Variants in HAPLN3 observed in about 807,000 individuals in gnomAD.
The protein encoded by HAPLN3 is hyaluronan and proteoglycan link protein 3, also known as extracellular link domain containing, 1.
HAPLN3 carries 28 observed loss-of-function variants against 28.1 expected under a neutral mutation model. The observed-to-expected ratio is 1.00, with a 90% CI of 0.74 to 1.37. HAPLN3 has a LOEUF of 1.37. HAPLN3 is among the 40% of genes most tolerant of loss of function. HAPLN3 has a pLI of 0.00. For synonymous variants in HAPLN3, 211 were observed against 213.1 expected (o/e 0.99, Z 0.09); for missense variants, 513 against 504.6 (o/e 1.02, Z -0.16).
In HAPLN3 at chr15:88,878,052, G is replaced by A. The variant is rs1897579619; in HGVS notation, c.1001C>T (p.Pro334Leu). The change falls in exon 5 of 5, where the codon CCC (proline) becomes CTC (leucine). Residue 334 changes from proline (P) to leucine (L), a missense_variant. Coordinates refer to ENST00000359595, the MANE Select transcript of HAPLN3 (RefSeq NM_178232.4). ...PVVHPHPNCG[P>L]PEPGVRSFGF... ...AAAGCTTCGGACCCCAGGCTCTGGG[G>A]GCCCACAGTTAGGATGCGGGTGAAC... 1 of 1,613,948 alleles carries A rather than the reference G, an allele frequency of 6.2e-7. No homozygotes were observed.
At chr15:88,878,786 G>A (rs534356963) in intron 4 of HAPLN3, among the ~76,000 whole-genome samples, 181 bp downstream of exon 4, 3 of 152,228 alleles carry the variant, frequency 2.0e-5, no homozygotes, top group Non-Finnish European at 2.9e-5. Context: ...GCATAACGCA[G>A]CAGCAGCAAA....
intron 4 of HAPLN3, 66 bp downstream of exon 4, chr15:88,878,901 G>T: frequency 6.8e-7 from 1 of 1,476,000 alleles, no homozygotes; most frequent in Middle Eastern, 1.8e-4. Flanking sequence ...CTCCCCAGAA[G>T]CTGCCCTCTC....
chr15:88,894,910 C>A (rs2141680667), intron 1 of HAPLN3, among the ~76,000 whole-genome samples: 1 of 152,318 alleles, frequency 6.6e-6, no homozygotes, highest in Non-Finnish European at 1.5e-5. Context: ...TGAGCGAGGT[C>A]TGGAACCCAT....
chr15:88,882,806 C>T (rs892231462), intron 2 of HAPLN3, among the ~76,000 whole-genome samples: 26 of 152,084 alleles, frequency 1.7e-4, no homozygotes, highest in Non-Finnish European at 1.5e-5. Flanking sequence ...GAGTTTGAGA[C>T]CAGCCTGGGC....
intron 4 of HAPLN3, 67 bp from the exon 5 acceptor site, chr15:88,878,323 A>C (rs1425655103): frequency 2.1e-6 from 3 of 1,436,878 alleles, no homozygotes; most frequent in East Asian, 4.6e-5. Context: ...CGGGGTCTGC[A>C]GAGATGCCAG....
chr15:88,882,027 G>T (rs1385142848), intron 2 of HAPLN3, among the ~76,000 whole-genome samples: 1 of 152,194 alleles, frequency 6.6e-6, no homozygotes, highest in Non-Finnish European at 1.5e-5. Context: ...GTCCCAGGGG[G>T]CCTTGCTGCT....
At chr15:88,883,937 G>A (rs1229148633) in intron 2 of HAPLN3, among the ~76,000 whole-genome samples, 1 of 152,046 alleles carries the variant, frequency 6.6e-6, no homozygotes, top group Non-Finnish European at 1.5e-5. Flanking sequence ...AATTAGCTGG[G>A]CACAGTGGTG....
chr15:88,893,429 AT>A (rs751082170), intron 1 of HAPLN3, among the ~76,000 whole-genome samples: 51 of 151,282 alleles, frequency 3.4e-4, no homozygotes, highest in African/African-American at 5.3e-4. Context: ...AAAAAAAAAA[AT>A]GGGCTGTGGT....
At chr15:88,892,318 G>A (rs576675535) in intron 1 of HAPLN3, among the ~76,000 whole-genome samples, 1 of 152,162 alleles carries the variant, frequency 6.6e-6, no homozygotes, top group East Asian at 1.9e-4. Context: ...ATAGATGGGT[G>A]TGGTGGTGGG....
chr15:88,877,879 C>T lies in HAPLN3; in HGVS notation c.*91G>A. 1 of 1,268,226 alleles carries T rather than the reference C, an allele frequency of 7.9e-7. No individual in the cohort carries two copies. Among genetic ancestry groups the T allele is most frequent in the South Asian group, 1.5e-5 (1 of 66,460 alleles). The allele number at this position is 1,268,226 out of a possible 1,614,324, so 78.6% of individuals were successfully genotyped here. ...AAATTTAAATTGAGAAGTATAAAAA[C>T]AGTTAAAATGGCTCCAACCCACAAG... On this transcript the variant is annotated 3_prime_UTR_variant, in exon 5 of 5. Coordinates refer to ENST00000359595, the MANE Select transcript of HAPLN3 (RefSeq NM_178232.4). The surrounding 1 kb of genome is among the most constrained non-coding windows in gnomAD (Gnocchi z 5.1).
Position 88,887,231 on chromosome 15 carries a change from C to A in HAPLN3, c.68G>T (p.Gly23Val). The change falls in exon 2 of 5, where the codon GGC becomes GTC. Residue 23 changes from glycine (G) to valine (V), a missense_variant. Physicochemically the swap from Gly to Val is moderately radical, Grantham distance 109 (BLOSUM62 -3). Coordinates refer to ENST00000359595, the MANE Select transcript of HAPLN3 (RefSeq NM_178232.4). ...PGSYGLPFYN[G>V]FYYSNSANDQ... Reference sequence around the variant, plus strand: ...GTTGGCGCTGTTGGAGTAGTAGAAGCCGTTGTAGAAGGGCAGTCCGTAGGA... The same window carrying A: ...GTTGGCGCTGTTGGAGTAGTAGAAGACGTTGTAGAAGGGCAGTCCGTAGGA... 6.2e-7 allele frequency: 1 copy of A among 1,614,146 alleles called. No individual in the cohort carries two copies. The highest frequency in any genetic ancestry group is 2.2e-5 in the East Asian group (1 of 44,868).
Position 88,880,308 on chromosome 15 carries a change from A to G in HAPLN3, c.494-1039T>C. On this transcript the variant is annotated intron_variant, in intron 3 of 4. Coordinates refer to ENST00000359595, the MANE Select transcript of HAPLN3 (RefSeq NM_178232.4). The surrounding 1 kb of genome is among the most constrained non-coding windows in gnomAD (Gnocchi z 6.0). ...TCTCCCCAACTCCACTGCCACCCCA[A>G]CTTCAAGAATGAGGAATGCGGCCCC... 1 of 1,057,330 alleles carries G rather than the reference A, an allele frequency of 9.5e-7. No individual in the cohort carries two copies. The highest frequency in any genetic ancestry group is 1.1e-6 in the Non-Finnish European group (1 of 871,608). 65.5% of individuals were successfully genotyped at this position (1,057,330 alleles called of 1,614,324 possible). A position where few individuals can be genotyped will look rare whatever the true frequency, so the allele number is the denominator to read the frequency against.
intron 2 of HAPLN3, among the ~76,000 whole-genome samples, chr15:88,885,451 TTTTTGTG>T (rs1213063768): frequency 1.5e-5 from 2 of 136,672 alleles, no homozygotes; most frequent in African/African-American, 5.5e-5. Flanking sequence ...AATTTTTTGT[TTTTTGTG>T]TTTTTTTTTT....
intron 1 of HAPLN3, among the ~76,000 whole-genome samples, chr15:88,889,830 G>A (rs1190219409): frequency 6.6e-6 from 1 of 152,248 alleles, no homozygotes; most frequent in African/African-American, 2.4e-5. Context: ...AATGCTTAGG[G>A]TGTAAGTTAA....
chr15:88,882,837 C>G (rs1210466309), intron 2 of HAPLN3, among the ~76,000 whole-genome samples: 1 of 151,998 alleles, frequency 6.6e-6, no homozygotes, highest in Non-Finnish European at 1.5e-5. Context: ...GACCCTGTCT[C>G]TACAAAAAAA....
chr15:88,879,837 T>C lies in HAPLN3; in HGVS notation c.494-568A>G. ...GGTCTGGGGCAGGCGGTTTCTCTCC[T>C]TGTGGTCAGGGTCTGATAGAGGCCA... On this transcript the variant is annotated intron_variant, in intron 3 of 4. Coordinates refer to ENST00000359595, the MANE Select transcript of HAPLN3 (RefSeq NM_178232.4). This position sits in a 1 kb window ranked among gnomAD's most constrained non-coding sequence, Gnocchi z 5.0. 3 of 1,073,446 alleles carry C rather than the reference T, an allele frequency of 2.8e-6. No homozygotes were observed. Among genetic ancestry groups the C allele is most frequent in the African/African-American group, 1.7e-5 (1 of 59,838 alleles). The allele number at this position is 1,073,446 out of a possible 1,614,324, so 66.5% of individuals were successfully genotyped here.
chr15:88,893,796 T>C (rs930755752), intron 1 of HAPLN3, among the ~76,000 whole-genome samples: 8 of 151,844 alleles, frequency 5.3e-5, no homozygotes, highest in Non-Finnish European at 1.0e-4. Flanking sequence ...AGTGTGGTGA[T>C]GAGCGCTTGT....
chr15:88,886,215 G>A (rs1425350230), intron 2 of HAPLN3, among the ~76,000 whole-genome samples: 18 of 151,684 alleles, frequency 1.2e-4, no homozygotes, highest in Admixed American at 1.2e-3. Context: ...GCCAGGTGTG[G>A]TGGCAGATGC....
Position 88,879,062 on chromosome 15 carries a change from C to G in HAPLN3, c.701G>C (p.Gly234Ala), listed in dbSNP as rs748908793. 1 of 1,606,482 alleles carries G rather than the reference C, an allele frequency of 6.2e-7. No individual in the cohort carries two copies. Among genetic ancestry groups the G allele is most frequent in the Non-Finnish European group, 8.5e-7 (1 of 1,176,826 alleles). ...CACGCCAGGTGCCAGGCCCGGGCCACCGCAGGGCTGCCGGGGCAACATGAT... is the reference window on the plus strand; with the variant it reads ...CACGCCAGGTGCCAGGCCCGGGCCAGCGCAGGGCTGCCGGGGCAACATGAT... ...YPIMLPRQPC[G>A]GPGLAPGVRS... is the part of the protein sequence containing the mutation. Residue 234 changes from glycine (G) to alanine (A), a missense_variant, in exon 4 of 5, where the codon GGT (glycine) becomes GCT (alanine). Gly to Ala is a moderately conservative substitution (Grantham distance 60). Coordinates refer to ENST00000359595, the MANE Select transcript of HAPLN3 (RefSeq NM_178232.4). This position sits in a 1 kb window ranked among gnomAD's most constrained non-coding sequence, Gnocchi z 5.0.
Sources: allele counts gnomAD v4.1 joint callset (sites outside exome capture counted in the v4.1 genomes callset), GRCh38; gene constraint gnomAD v4.1.1; non-coding constraint Gnocchi (gnomAD v3.1); transcripts MANE v1.5; gene names NCBI Gene and HGNC (gene_info 2026-07-23, HGNC 2026-07-21).